The following FAM117A variants were observed in gnomAD, a reference collection of about 807,000 sequenced individuals.
FAM117A encodes protein FAM117A.
In FAM117A, 21 loss-of-function variants were observed where a neutral mutation model predicts 44.1. The ratio of observed to expected loss-of-function variants is 0.48; its 90% CI spans 0.34 to 0.69. The LOEUF (loss-of-function observed/expected upper bound fraction) is 0.69, where lower values mean the gene tolerates loss of function less well. FAM117A is among the 30% of genes least tolerant of loss of function. The probability of loss-of-function intolerance (pLI) is 0.01; values close to 1 mark genes in which losing one functional copy is unlikely to be tolerated. For missense variants in FAM117A, 498 were observed against 589.9 expected (o/e 0.84, Z 1.61); for synonymous variants, 220 against 238.3 (o/e 0.92, Z 0.71).
intron 1 of FAM117A, among the ~76,000 whole-genome samples, chr17:49,783,562 G>A (rs1214426330): frequency 3.3e-5 from 5 of 152,274 alleles, no homozygotes; most frequent in South Asian, 4.1e-4. Context: ...TGGGGGCTAA[G>A]GGTGCTACAA....
In FAM117A at chr17:49,720,405, G is replaced by A. The variant is rs778097783; in HGVS notation, c.494C>T (p.Thr165Met). 1.1e-5 allele frequency: 17 copies of A among 1,613,438 alleles called. No homozygotes were observed. The South Asian group carries it at 1.4e-4, about 14-fold the overall frequency. ...ISKLKQQLQR[T>M]KLSRSGKEKE... ...CTCTTTCCCACTGCGGCTCAGCTTCGTCCTCTGCAGTTGTTGCTTCAACTT... is the reference window on the plus strand; with the variant it reads ...CTCTTTCCCACTGCGGCTCAGCTTCATCCTCTGCAGTTGTTGCTTCAACTT... Residue 165 changes from threonine (T) to methionine (M), a missense_variant, in exon 4 of 8, where the codon ACG becomes ATG. Thr to Met is a moderately conservative substitution (Grantham distance 81). Around this residue, in one of 3 missense-constraint regions of FAM117A, gnomAD observed 270 missense variants for 277.4 expected, o/e 0.97. Coordinates refer to ENST00000240364, the MANE Select transcript of FAM117A (RefSeq NM_030802.4).
intron 1 of FAM117A, among the ~76,000 whole-genome samples, chr17:49,739,446 A>G (rs2073623830): frequency 6.6e-6 from 1 of 152,210 alleles, no homozygotes; most frequent in Non-Finnish European, 1.5e-5. Flanking sequence ...CTTCAGGTCA[A>G]CACTTAAGTT....
At chr17:49,733,010 A>AT in intron 1 of FAM117A, 7 of 332,600 alleles carry the variant, frequency 2.1e-5, no homozygotes, top group South Asian at 4.7e-5. Flanking sequence ...ATGGACTATG[A>AT]ACCGTGAACT....
At chr17:49,787,341 T>C (rs2073818374) in intron 1 of FAM117A, among the ~76,000 whole-genome samples, 1 of 152,208 alleles carries the variant, frequency 6.6e-6, no homozygotes, top group African/African-American at 2.4e-5. Flanking sequence ...TTACGTGCAG[T>C]TCAACCTAAG....
chr17:49,719,864 G>C lies in FAM117A; in HGVS notation c.604C>G (p.Pro202Ala). The change falls in exon 5 of 8, where the codon CCT becomes GCT. Residue 202 changes from proline (P) to alanine (A), a missense_variant. Pro to Ala is a conservative substitution (Grantham distance 27). Transcript: ENST00000240364. ...AGGCAGGGGCTGAGTCGCAAGACAG[G>C]GGACCCTGAGGGGAAGCTGGGAGGG... Reference protein sequence around the residue: ...ASPPSFPSGSPVLRLSPCLHR... With the variant: ...ASPPSFPSGSAVLRLSPCLHR... 2.4e-5 allele frequency: 38 copies of C among 1,605,432 alleles called. No homozygotes were observed. Among genetic ancestry groups the C allele is most frequent in the Non-Finnish European group, 3.0e-5 (35 of 1,177,452 alleles).
In FAM117A at chr17:49,732,706, A is replaced by G. The variant is rs1350145313; in HGVS notation, c.211T>C (p.Ser71Pro). 3 of 1,613,492 alleles carry G rather than the reference A, an allele frequency of 1.9e-6. No individual in the cohort carries two copies. The highest frequency in any genetic ancestry group is 1.3e-5 in the African/African-American group (1 of 75,016). ...CACACTGACTTTTCTGGGGCCACCG[A>G]GCATGGGACGCTGGCTGCAAGAGAA... is the stretch of plus-strand genomic sequence containing the variant. ...GGGRAASVPC[S>P]VAPEKSVCRP... is the part of the protein sequence containing the mutation. Residue 71 changes from serine to proline, a missense_variant, in exon 2 of 8, where the codon TCG (serine) becomes CCG (proline). Physicochemically the swap from Ser to Pro is moderately conservative, Grantham distance 74 (BLOSUM62 -1). Transcript: ENST00000240364.
At chr17:49,778,125 T>C (rs1049473588) in intron 1 of FAM117A, among the ~76,000 whole-genome samples, 3 of 152,222 alleles carry the variant, frequency 2.0e-5, no homozygotes, top group African/African-American at 4.8e-5. Context: ...CTATTGTCTA[T>C]ACATGTAAAG....
chr17:49,764,640 T>A (rs1030878425), upstream of FAM117A, among the ~76,000 whole-genome samples: 4 of 152,206 alleles, frequency 2.6e-5, no homozygotes, highest in African/African-American at 9.7e-5. Context: ...TAATTTAACC[T>A]AAAAAACATT....
At chr17:49,785,753 A>G (rs896785589) in intron 1 of FAM117A, among the ~76,000 whole-genome samples, 15 of 152,386 alleles carry the variant, frequency 9.8e-5, no homozygotes, top group African/African-American at 2.6e-4. Flanking sequence ...GCAAAATAAC[A>G]TATCATTACG....
intron 7 of FAM117A, among the ~76,000 whole-genome samples, chr17:49,713,709 A>T (rs904727381): frequency 5.3e-5 from 8 of 151,914 alleles, no homozygotes; most frequent in Non-Finnish European, 1.2e-4. Context: ...GTGTCTCCCT[A>T]TGTTGCCCAG....
At chr17:49,786,146 T>C (rs984252147) in intron 1 of FAM117A, among the ~76,000 whole-genome samples, 1 of 152,212 alleles carries the variant, frequency 6.6e-6, no homozygotes, top group African/African-American at 2.4e-5. Flanking sequence ...TGATCATGTT[T>C]CTATCCTACT....
At chr17:49,780,106 C>A (rs1239406624) in intron 1 of FAM117A, among the ~76,000 whole-genome samples, 1 of 152,128 alleles carries the variant, frequency 6.6e-6, no homozygotes, top group Non-Finnish European at 1.5e-5. Flanking sequence ...GTGGCTTATA[C>A]CCCTCCCATT....
At chr17:49,729,748 C>T (rs1031694384) in intron 2 of FAM117A, among the ~76,000 whole-genome samples, 4 of 152,048 alleles carry the variant, frequency 2.6e-5, no homozygotes, top group African/African-American at 9.7e-5. Flanking sequence ...TTGTGATCTG[C>T]CCACCTCGGC....
chr17:49,715,441 G>A (rs1445266649), intron 7 of FAM117A, among the ~76,000 whole-genome samples: 1 of 152,176 alleles, frequency 6.6e-6, no homozygotes, highest in Non-Finnish European at 1.5e-5. Context: ...GCCCTGGTGA[G>A]TATTAAGCTG....
chr17:49,711,929 G>C (rs2073480821), intron 7 of FAM117A, among the ~76,000 whole-genome samples: 1 of 152,306 alleles, frequency 6.6e-6, no homozygotes, highest in South Asian at 2.1e-4. Flanking sequence ...TGGATCACTT[G>C]AGGTCAGGAG....
chr17:49,713,717 C>G (rs1315560364), intron 7 of FAM117A, among the ~76,000 whole-genome samples: 5 of 152,222 alleles, frequency 3.3e-5, no homozygotes, highest in African/African-American at 1.2e-4. Context: ...CTATGTTGCC[C>G]AGGCTGGTCT....
chr17:49,772,044 C>A (rs2073762655), intron 1 of FAM117A, among the ~76,000 whole-genome samples: 2 of 152,084 alleles, frequency 1.3e-5, no homozygotes, highest in South Asian at 4.1e-4. Flanking sequence ...GTAATCCCAG[C>A]AATTTGGGAA....
At chr17:49,739,797 G>A (rs1375934484) in intron 1 of FAM117A, among the ~76,000 whole-genome samples, 2 of 152,222 alleles carry the variant, frequency 1.3e-5, no homozygotes, top group Non-Finnish European at 2.9e-5. Context: ...GGCTGTTGGG[G>A]CACTGGCTGG....
intron 2 of FAM117A, chr17:49,724,551 G>T: frequency 2.2e-6 from 1 of 451,966 alleles, no homozygotes; most frequent in Non-Finnish European, 4.5e-6. Flanking sequence ...AAGGATGTGA[G>T]GCTGGGGGTG....
Sources: allele counts gnomAD v4.1 joint callset (sites outside exome capture counted in the v4.1 genomes callset), GRCh38; gene constraint gnomAD v4.1.1; regional missense constraint gnomAD v4.1.1; transcripts MANE v1.5; gene names NCBI Gene and HGNC (gene_info 2026-07-23, HGNC 2026-07-21).